Variants in CAMK2A observed in about 807,000 individuals in gnomAD.
The protein encoded by CAMK2A is calcium/calmodulin-dependent protein kinase type II subunit alpha.
Under a neutral mutation model 79.2 loss-of-function variants are expected in CAMK2A, and 7 were observed. The observed-to-expected ratio is 0.09, with a 90% CI of 0.05 to 0.17. CAMK2A has a LOEUF of 0.17. Ranked by LOEUF, CAMK2A falls within the 10% of genes least tolerant of loss-of-function variation. The pLI is 1.00. For missense variants in CAMK2A, 214 were observed against 646.4 expected (o/e 0.33, Z 7.25); for synonymous variants, 242 against 251.7 (o/e 0.96, Z 0.36).
chr5:150,276,804 G>A (rs1756965862), intron 1 of CAMK2A, among the ~76,000 whole-genome samples: 1 of 152,150 alleles, frequency 6.6e-6, no homozygotes, highest in Admixed American at 6.5e-5. Flanking sequence ...ATAGAGGAAG[G>A]GATGGTTGGA....
intron 6 of CAMK2A, among the ~76,000 whole-genome samples, chr5:150,255,498 T>G (rs1168644447): frequency 6.6e-6 from 1 of 152,252 alleles, no homozygotes; most frequent in African/African-American, 2.4e-5. Flanking sequence ...TGCAGGGGAC[T>G]TAGCAGCTAC....
At chr5:150,275,940 GA>G (rs1756927445) in intron 1 of CAMK2A, among the ~76,000 whole-genome samples, 1 of 152,084 alleles carries the variant, frequency 6.6e-6, no homozygotes. Flanking sequence ...AGAATGGGGA[GA>G]GGGGCTGAAA....
At position 150,273,061 on chromosome 5, in the gene CAMK2A, C is replaced by T. The variant is rs1392368929; in HGVS notation, c.157+4G>A. ...GGTGGGCAGGGTAGAAATCAGGCAC[C>T]TACCTCTGGCTGACAGCTTCTTTGT... On this transcript the variant is annotated splice_donor_region_variant and intron_variant, in intron 2 of 18. Coordinates refer to ENST00000671881, the MANE Select transcript of CAMK2A (RefSeq NM_015981.4). The T allele has an allele frequency of 2.5e-6, 4 of 1,612,500 alleles. No homozygotes were observed. Among genetic ancestry groups the T allele is most frequent in the African/African-American group, 1.3e-5 (1 of 74,868 alleles).
rs531390143 is a variant in CAMK2A at position 150,283,504 on chromosome 5, A to C, written c.62+6060T>G. Among the ~76,000 whole-genome samples the C allele has an allele frequency of 1.0e-3, 158 of 152,264 alleles. 1 individual carries two copies. The highest frequency in any genetic ancestry group is 1.5e-3 in the Non-Finnish European group (105 of 68,012). ...ATCCTCCCACCTCAGCCTCCCGAGT[A>C]GCTGGAACTACAGGCGTGCACCACT... On this transcript the variant is annotated intron_variant, in intron 1 of 18. Coordinates refer to ENST00000671881, the MANE Select transcript of CAMK2A (RefSeq NM_015981.4).
At chr5:150,262,150 G>C (rs1053499114) in intron 3 of CAMK2A, among the ~76,000 whole-genome samples, 1 of 152,180 alleles carries the variant, frequency 6.6e-6, no homozygotes, top group Non-Finnish European at 1.5e-5. Flanking sequence ...CCTGTGCTGA[G>C]CCTCACTGAC....
At chr5:150,237,115 C>T (rs942410717) in intron 15 of CAMK2A, among the ~76,000 whole-genome samples, 2 of 152,122 alleles carry the variant, frequency 1.3e-5, no homozygotes, top group African/African-American at 4.8e-5. Context: ...TACCCACCAC[C>T]GCCCAGGTTG....
chr5:150,263,638 TATTC>T (rs1756390397), intron 3 of CAMK2A, among the ~76,000 whole-genome samples: 2 of 150,698 alleles, frequency 1.3e-5, no homozygotes, highest in African/African-American at 4.9e-5. Flanking sequence ...TTCACACACA[TATTC>T]ACTCACACAC....
chr5:150,223,202 C>T lies in CAMK2A; in HGVS notation c.1253G>A (p.Ser418Asn), dbSNP rs1754422138. ...CAGGATGGTGGTGTGCACGGGCTTG[C>T]TGTTCCGGGACCACACTGGAGGAGG... Reference protein sequence around the residue: ...FYFENLWSRNSKPVHTTILNP... With the variant: ...FYFENLWSRNNKPVHTTILNP... The change falls in exon 18 of 19, where the codon AGC becomes AAC. Residue 418 changes from serine to asparagine, a missense_variant. Ser to Asn is a conservative substitution (Grantham distance 46). Around this residue, in one of 4 missense-constraint regions of CAMK2A, gnomAD observed 123 missense variants for 242.4 expected, o/e 0.51. Coordinates refer to ENST00000671881, the MANE Select transcript of CAMK2A (RefSeq NM_015981.4). This position sits in a 1 kb window ranked among gnomAD's most constrained non-coding sequence, Gnocchi z 4.1. 6 of 1,613,432 alleles carry T rather than the reference C, an allele frequency of 3.7e-6. No individual in the cohort carries two copies. The highest frequency in any genetic ancestry group is 5.1e-6 in the Non-Finnish European group (6 of 1,180,000).
chr5:150,231,383 G>T lies in CAMK2A; in HGVS notation c.1067-3C>A. On this transcript the variant is annotated splice_polypyrimidine_tract_variant and splice_region_variant and intron_variant, in intron 15 of 18. Transcript: ENST00000671881. ...TTTTATAATTTCCTGTTTCCGCACTGTAAGGCAGAAGGGGACACAGAAATA... is the reference window on the plus strand; with the variant it reads ...TTTTATAATTTCCTGTTTCCGCACTTTAAGGCAGAAGGGGACACAGAAATA... 6.8e-7 allele frequency: 1 copy of T among 1,477,290 alleles called. No homozygotes were observed. The highest frequency in any genetic ancestry group is 1.4e-5 in the African/African-American group (1 of 70,916). 91.5% of individuals were successfully genotyped at this position (1,477,290 alleles called of 1,614,324 possible).
intron 15 of CAMK2A, among the ~76,000 whole-genome samples, chr5:150,231,680 G>A (rs564670504): frequency 4.6e-5 from 7 of 151,494 alleles, no homozygotes; most frequent in African/African-American, 1.5e-4. Flanking sequence ...CTCTGTTGGC[G>A]GTCTTTGCCT....
intron 2 of CAMK2A, among the ~76,000 whole-genome samples, chr5:150,265,711 G>A (rs1562183990): frequency 6.6e-6 from 1 of 152,144 alleles, no homozygotes. Flanking sequence ...AGAGGCCGAG[G>A]CAAGTGGATC....
chr5:150,228,576 G>T (rs1754707467), intron 16 of CAMK2A, among the ~76,000 whole-genome samples: 1 of 152,180 alleles, frequency 6.6e-6, no homozygotes, highest in African/African-American at 2.4e-5. Flanking sequence ...TAGTGTACAG[G>T]GCTGTGCAGT....
rs558734919 is a variant in CAMK2A, at chr5:150,276,720, G to A, written c.63-3561C>T. ...CTCCAGGGTGCAGGAGCTGGGTCTC[G>A]TCCTGCTCACCAGCACCTGACAAAG... On this transcript the variant is annotated intron_variant, in intron 1 of 18. Transcript: ENST00000671881. 9.2e-5 allele frequency among the ~76,000 whole-genome samples: 14 copies of A among 152,270 alleles called. No individual in the cohort carries two copies. The East Asian group carries it at 1.4e-3, about 15-fold the overall frequency.
At chr5:150,236,931 T>C (rs1233097873) in intron 15 of CAMK2A, among the ~76,000 whole-genome samples, 4 of 152,068 alleles carry the variant, frequency 2.6e-5, no homozygotes, top group Non-Finnish European at 5.9e-5. Context: ...CAGGCTGGAG[T>C]GTAGTGGCTA....
Position 150,256,439 on chromosome 5 carries a change from C to T in CAMK2A, c.411+134G>A. ...TCATCTGAACAGTGGGGAAAATAAT[C>T]TCACCCACCCCACCTTCCAGCCTAA... On this transcript the variant is annotated intron_variant, in intron 6 of 18. Coordinates refer to ENST00000671881, the MANE Select transcript of CAMK2A (RefSeq NM_015981.4). The surrounding 1 kb of genome is among the most constrained non-coding windows in gnomAD (Gnocchi z 4.6). The T allele has an allele frequency of 1.6e-6, 1 of 643,516 alleles. No homozygotes were observed. Among genetic ancestry groups the T allele is most frequent in the Non-Finnish European group, 2.7e-6 (1 of 364,218 alleles). 39.9% of individuals were successfully genotyped at this position (643,516 alleles called of 1,614,324 possible).
In CAMK2A at chr5:150,260,594, G is replaced by A. The variant is rs575014889; in HGVS notation, c.218-2977C>T. On this transcript the variant is annotated intron_variant, in intron 3 of 18. Transcript: ENST00000671881. ...ATCCAAACCCCACGTGCTGGAGTGC[G>A]GGATGCTAACAGCACCTGAATCCCT... 3.9e-5 allele frequency among the ~76,000 whole-genome samples: 6 copies of A among 152,296 alleles called. No homozygotes were observed. In the East Asian group the frequency reaches 7.7e-4, roughly 20 times the overall value.
chr5:150,267,277 C>A (rs556229641), intron 2 of CAMK2A, among the ~76,000 whole-genome samples: 103 of 152,330 alleles, frequency 6.8e-4, no homozygotes, highest in African/African-American at 2.3e-3. Flanking sequence ...ACCCTACCCC[C>A]CATCCCACCT....
intron 6 of CAMK2A, among the ~76,000 whole-genome samples, chr5:150,254,563 C>G (rs1276829404): frequency 6.6e-6 from 1 of 152,142 alleles, no homozygotes; most frequent in African/African-American, 2.4e-5. Context: ...CCACACCTGG[C>G]CTCTGGGCAT....
At chr5:150,247,734 G>A (rs776809699) in intron 12 of CAMK2A, 38 bp downstream of exon 12, 3 of 1,577,988 alleles carry the variant, frequency 1.9e-6, no homozygotes, top group Admixed American at 3.5e-5. Context: ...ACGAACTGGT[G>A]CAGGGCTTAC....
Sources: gnomAD v4.1 joint callset for allele counts (sites outside exome capture counted in the v4.1 genomes callset) on GRCh38, gnomAD v4.1.1 for gene constraint, gnomAD v4.1.1 regional missense constraint, Gnocchi (gnomAD v3.1) non-coding constraint, MANE v1.5 for transcripts, NCBI Gene and HGNC (gene_info 2026-07-23, HGNC 2026-07-21) for gene names.